The following RAPGEF2 variants were observed in gnomAD, a reference collection of about 807,000 sequenced individuals.
The protein encoded by RAPGEF2 is PDZ domain containing guanine nucleotide exchange factor (GEF) 1.
Under a neutral mutation model 186.7 loss-of-function variants are expected in RAPGEF2, and 54 were observed. That is an observed-to-expected ratio of 0.29 (90% CI 0.23 to 0.36). The LOEUF (loss-of-function observed/expected upper bound fraction) is 0.36. Among genes scored for constraint, RAPGEF2 ranks in the 10% least tolerant of loss-of-function variants. The pLI is 1.00. For missense variants in RAPGEF2, 1,532 were observed against 2,045.0 expected (o/e 0.75, Z 4.84); for synonymous variants, 712 against 705.9 (o/e 1.01, Z -0.14).
At chr4:159,129,214 A>T (rs867851972) in intron 1 of RAPGEF2, among the ~76,000 whole-genome samples, 3 of 152,074 alleles carry the variant, frequency 2.0e-5, no homozygotes, top group Non-Finnish European at 2.9e-5. Flanking sequence ...AATTGCTTTC[A>T]TATTATAAAT....
chr4:159,322,155 A>G (rs1221144408), intron 9 of RAPGEF2, among the ~76,000 whole-genome samples, 192 bp from the exon 10 acceptor site: 1 of 152,262 alleles, frequency 6.6e-6, no homozygotes, highest in Non-Finnish European at 1.5e-5. Context: ...AGTAAGAGTC[A>G]TCATTTCCAC....
rs752046362 is a variant in RAPGEF2, at chr4:159,352,845, A to T, written c.4026A>T (p.Glu1342Asp). The change falls in exon 27 of 30, where the codon GAA becomes GAT. Residue 1342 changes from glutamate to aspartate, a missense_variant. By Grantham distance (45) the Glu-to-Asp change is conservative. Around this residue, in one of 4 missense-constraint regions of RAPGEF2, gnomAD observed 594 missense variants for 608.5 expected, o/e 0.98. Coordinates refer to ENST00000691494, the MANE Select transcript of RAPGEF2 (RefSeq NM_001394067.2). ...RRQRHSVSIV[E>D]TNLGMGRMER... The stretch of plus-strand genomic sequence containing the variant: ...AGAGGCATTCTGTCAGCATCGTGGA[A>T]ACAAACCTAGGGATGGGCAGGATGG... 1.2e-6 allele frequency: 2 copies of T among 1,614,214 alleles called. No individual in the cohort carries two copies. The highest frequency in any genetic ancestry group is 1.7e-6 in the Non-Finnish European group (2 of 1,180,042).
chr4:159,304,565 T>TACAC, intron 8 of RAPGEF2, 92 bp downstream of exon 8: 35 of 1,204,720 alleles, frequency 2.9e-5, no homozygotes, highest in Non-Finnish European at 3.7e-5. Flanking sequence ...AAAATAAATA[T>TACAC]ATGTGTATAT....
At chr4:159,244,616 A>G (rs1336415218) in intron 7 of RAPGEF2, among the ~76,000 whole-genome samples, 2 of 152,002 alleles carry the variant, frequency 1.3e-5, no homozygotes, top group Non-Finnish European at 2.9e-5. Context: ...AGTAACTAGT[A>G]GCATTTTATG....
chr4:159,199,212 C>T (rs985390104), intron 3 of RAPGEF2, among the ~76,000 whole-genome samples: 1 of 152,180 alleles, frequency 6.6e-6, no homozygotes, highest in African/African-American at 2.4e-5. Flanking sequence ...CATGCACACC[C>T]ATGCCCACAC....
At chr4:159,287,137 A>T (rs1181237965) in intron 7 of RAPGEF2, among the ~76,000 whole-genome samples, 1 of 151,906 alleles carries the variant, frequency 6.6e-6, no homozygotes, top group Admixed American at 6.6e-5. Flanking sequence ...TTCTCTTTTG[A>T]CTAGATTAAA....
intron 8 of RAPGEF2, among the ~76,000 whole-genome samples, chr4:159,314,212 A>G (rs369613791): frequency 6.6e-6 from 1 of 152,314 alleles, no homozygotes; most frequent in East Asian, 1.9e-4. Context: ...ATAAATTCAC[A>G]CCTATTCTGC....
chr4:159,198,444 C>T lies in RAPGEF2; in HGVS notation c.197+5188C>T, dbSNP rs1021797689. ...TCTCTCTCTCTCTCTTTCTTTCTTT[C>T]TTCTTACTGTTTTTTTCTTGAGGCA... is the stretch of plus-strand genomic sequence containing the variant. On this transcript the variant is annotated intron_variant, in intron 3 of 29. Coordinates refer to ENST00000691494, the MANE Select transcript of RAPGEF2 (RefSeq NM_001394067.2). 1.2e-4 allele frequency among the ~76,000 whole-genome samples: 16 copies of T among 135,490 alleles called. 1 individual carries two copies. Among genetic ancestry groups the T allele is most frequent in the South Asian group, 7.0e-4 (3 of 4,290 alleles). The allele number at this position is 135,490 out of a possible 152,430, so 88.9% of individuals were successfully genotyped here.
At chr4:159,138,601 T>C (rs146656753) in intron 1 of RAPGEF2, among the ~76,000 whole-genome samples, 1,559 of 152,296 alleles carry the variant, frequency 0.01, 28 homozygotes, top group African/African-American at 0.035. Flanking sequence ...GTAGGTTAAT[T>C]GACTCATTTG....
intron 7 of RAPGEF2, among the ~76,000 whole-genome samples, chr4:159,284,489 C>G (rs1279699781): frequency 4.8e-4 from 5 of 10,524 alleles, no homozygotes; most frequent in African/African-American, 2.0e-3. Context: ...GAGACACACA[C>G]ACACACACAC....
intron 7 of RAPGEF2, among the ~76,000 whole-genome samples, chr4:159,267,580 C>T (rs1757571285): frequency 6.6e-6 from 1 of 152,158 alleles, no homozygotes; most frequent in African/African-American, 2.4e-5. Flanking sequence ...GTTCCCGATT[C>T]ACACGCTCTG....
At position 159,199,857 on chromosome 4, in the gene RAPGEF2, CAGG is replaced by C. The variant is rs1226889643; in HGVS notation, c.197+6602_197+6604del. ...GACCCAGGTGACTCCAGGTGAGAAA[CAGG>C]TTTCTTGTGAAGATAAAATTGCAGC... is the stretch of plus-strand genomic sequence containing the variant. On this transcript the variant is annotated intron_variant, in intron 3 of 29. Coordinates refer to ENST00000691494, the MANE Select transcript of RAPGEF2 (RefSeq NM_001394067.2). Among the ~76,000 whole-genome samples, 736 of 152,230 alleles carry C rather than the reference CAGG, an allele frequency of 4.8e-3. 2 individuals are homozygous for C. The highest frequency in any genetic ancestry group is 0.017 in the African/African-American group (690 of 41,530).
chr4:159,174,643 A>T (rs563522198), intron 1 of RAPGEF2, among the ~76,000 whole-genome samples: 3 of 152,108 alleles, frequency 2.0e-5, no homozygotes, highest in Admixed American at 6.5e-5. Flanking sequence ...TTTTTGATTG[A>T]TTTGTTTATT....
intron 1 of RAPGEF2, among the ~76,000 whole-genome samples, chr4:159,146,360 T>C (rs1289475232): frequency 4.6e-5 from 7 of 151,366 alleles, no homozygotes; most frequent in Non-Finnish European, 1.0e-4. Context: ...TAAGCTTTTT[T>C]CTTTTTTTTT....
In RAPGEF2 at chr4:159,222,527, A is replaced by C. The variant is rs111354583; in HGVS notation, c.281+11944A>C. 3.4e-3 allele frequency among the ~76,000 whole-genome samples: 523 copies of C among 152,304 alleles called. 2 individuals carry two copies. The highest frequency in any genetic ancestry group is 0.011 in the African/African-American group (473 of 41,564). ...ATGCTATATTTCATAAAGATTTTAG[A>C]GTCTGATGTTTGTGTCAATGAAACA... On this transcript the variant is annotated intron_variant, in intron 4 of 29. Coordinates refer to ENST00000691494, the MANE Select transcript of RAPGEF2 (RefSeq NM_001394067.2).
In RAPGEF2 at chr4:159,289,868, T is replaced by C. The variant is rs530066863; in HGVS notation, c.544-14474T>C. Among the ~76,000 whole-genome samples the C allele has an allele frequency of 5.1e-4, 78 of 152,160 alleles. 1 individual carries two copies. The highest frequency in any genetic ancestry group is 1.8e-3 in the African/African-American group (75 of 41,512). ...AAGACCCAGGAGGAGATACAGAGTA[T>C]CTCGCTGTATTTAAAATAACCAGAA... On this transcript the variant is annotated intron_variant, in intron 7 of 29. Transcript: ENST00000691494.
chr4:159,206,843 G>A (rs1300990536), intron 3 of RAPGEF2, among the ~76,000 whole-genome samples: 1 of 152,204 alleles, frequency 6.6e-6, no homozygotes, highest in Non-Finnish European at 1.5e-5. Flanking sequence ...ATTCTATGGG[G>A]GATGGATAGG....
intron 7 of RAPGEF2, among the ~76,000 whole-genome samples, chr4:159,284,398 A>G (rs1472711011): frequency 6.6e-6 from 1 of 151,996 alleles, no homozygotes; most frequent in Non-Finnish European, 1.5e-5. Flanking sequence ...TGAGCACCTT[A>G]AGAATTTTTC....
intron 7 of RAPGEF2, chr4:159,267,591 C>T (rs1757573913): frequency 2.3e-6 from 1 of 429,884 alleles, no homozygotes; most frequent in Non-Finnish European, 3.5e-6. Flanking sequence ...ACACGCTCTG[C>T]CCTGATTTTT....
Sources: allele counts gnomAD v4.1 joint callset (sites outside exome capture counted in the v4.1 genomes callset), GRCh38; gene constraint gnomAD v4.1.1; regional missense constraint gnomAD v4.1.1; transcripts MANE v1.5; gene names NCBI Gene and HGNC (gene_info 2026-07-23, HGNC 2026-07-21).